The following MCPH1 variants were observed in gnomAD, a reference collection of about 807,000 sequenced individuals.
MCPH1 encodes microcephalin.
A neutral mutation model predicts 84.5 loss-of-function variants in MCPH1; 104 were observed. That is an observed-to-expected ratio of 1.23 (90% CI 1.05 to 1.45). The LOEUF (loss-of-function observed/expected upper bound fraction) is 1.45, where lower values mean the gene tolerates loss of function less well. Ranked by LOEUF, MCPH1 falls within the 40% of genes most tolerant of loss-of-function variation. The probability of loss-of-function intolerance (pLI) is 0.00; values close to 1 mark genes in which losing one functional copy is unlikely to be tolerated. For synonymous variants in MCPH1, 514 were observed against 366.8 expected (o/e 1.40, Z -4.58); for missense variants, 1,498 against 1,005.7 (o/e 1.49, Z -6.62).
In MCPH1 at chr8:6,633,644, T is replaced by C. The variant is rs947825120; in HGVS notation, c.2453-9350T>C. Among the ~76,000 whole-genome samples, 6 of 152,196 alleles carry C rather than the reference T, an allele frequency of 3.9e-5. 1 individual carries two copies. The highest frequency in any genetic ancestry group is 2.1e-4 in the South Asian group (1 of 4,818). ...AGACCCACCCAGCCCCCTTCAACTATAGTATAACTTTTCCATGCACACCCA... is the reference window on the plus strand; with the variant it reads ...AGACCCACCCAGCCCCCTTCAACTACAGTATAACTTTTCCATGCACACCCA... On this transcript the variant is annotated intron_variant, in intron 13 of 13. Transcript: ENST00000344683.
chr8:6,614,869 C>T (rs1830647606), intron 12 of MCPH1, among the ~76,000 whole-genome samples: 1 of 152,164 alleles, frequency 6.6e-6, no homozygotes, highest in Non-Finnish European at 1.5e-5. Flanking sequence ...ATCTCCCTCC[C>T]TTCCCCAACC....
chr8:6,435,395 C>T (rs186986763), intron 4 of MCPH1, among the ~76,000 whole-genome samples: 1 of 152,106 alleles, frequency 6.6e-6, no homozygotes, highest in Admixed American at 6.6e-5. Flanking sequence ...TCAAATCCGC[C>T]TCCCTGAGGT....
At chr8:6,601,020 C>T (rs1829317300) in intron 12 of MCPH1, among the ~76,000 whole-genome samples, 1 of 152,134 alleles carries the variant, frequency 6.6e-6, no homozygotes, top group Admixed American at 6.5e-5. Flanking sequence ...GGGACTGGAG[C>T]CCCCAGGAAG....
intron 12 of MCPH1, among the ~76,000 whole-genome samples, chr8:6,575,089 A>G (rs1231016518): frequency 6.6e-6 from 1 of 152,178 alleles, no homozygotes; most frequent in East Asian, 1.9e-4. Flanking sequence ...TGCAGCTTGC[A>G]CACATTCAGT....
intron 12 of MCPH1, among the ~76,000 whole-genome samples, chr8:6,539,160 T>G (rs995964338): frequency 2.6e-5 from 4 of 152,204 alleles, no homozygotes; most frequent in African/African-American, 9.6e-5. Flanking sequence ...GGGCAGCACT[T>G]TGTCCTCCTA....
At chr8:6,413,766 T>C (rs1798861080) in intron 2 of MCPH1, among the ~76,000 whole-genome samples, 1 of 151,936 alleles carries the variant, frequency 6.6e-6, no homozygotes, top group South Asian at 2.1e-4. Flanking sequence ...TTTTTTTTTT[T>C]TTTTTGGAGA....
At chr8:6,537,464 A>G (rs1416412031) in intron 12 of MCPH1, among the ~76,000 whole-genome samples, 3 of 152,100 alleles carry the variant, frequency 2.0e-5, no homozygotes, top group Non-Finnish European at 4.4e-5. Context: ...ATTTGCTAAA[A>G]GAGTTGCGCC....
chr8:6,483,071 A>G (rs1809434302), intron 11 of MCPH1, among the ~76,000 whole-genome samples: 1 of 152,268 alleles, frequency 6.6e-6, no homozygotes, highest in South Asian at 2.1e-4. Context: ...GAGTTGAGCA[A>G]GTCATCCAGA....
chr8:6,586,470 T>A (rs1195943949), intron 12 of MCPH1, among the ~76,000 whole-genome samples: 1 of 152,198 alleles, frequency 6.6e-6, no homozygotes, highest in East Asian at 1.9e-4. Flanking sequence ...TGCTTGCTGA[T>A]GCAGCCTCTG....
At chr8:6,630,360 T>C (rs1372911276) in intron 13 of MCPH1, among the ~76,000 whole-genome samples, 1 of 152,196 alleles carries the variant, frequency 6.6e-6, no homozygotes, top group Non-Finnish European at 1.5e-5. Context: ...GAGAGCATGA[T>C]GAACAATTTA....
chr8:6,432,947 A>G (rs1241645852), intron 4 of MCPH1, among the ~76,000 whole-genome samples: 1 of 152,238 alleles, frequency 6.6e-6, no homozygotes, highest in Non-Finnish European at 1.5e-5. Flanking sequence ...CCTCAATGTA[A>G]GCAGCTTTCA....
chr8:6,452,578 A>G (rs932374964), intron 8 of MCPH1, among the ~76,000 whole-genome samples: 1 of 152,232 alleles, frequency 6.6e-6, no homozygotes, highest in Non-Finnish European at 1.5e-5. Flanking sequence ...CTAACCCTCA[A>G]TGGGATAACA....
chr8:6,430,153 A>G (rs145190452), intron 3 of MCPH1, among the ~76,000 whole-genome samples: 45 of 152,276 alleles, frequency 3.0e-4, no homozygotes, highest in African/African-American at 1.0e-3. Context: ...TCTCTGAACC[A>G]TACTCGTTAT....
chr8:6,604,466 G>A (rs974223512), intron 12 of MCPH1, among the ~76,000 whole-genome samples: 1 of 152,224 alleles, frequency 6.6e-6, no homozygotes, highest in East Asian at 1.9e-4. Context: ...AAATACAGTG[G>A]AATGTGAGAG....
chr8:6,456,937 A>G (rs1180720044), intron 9 of MCPH1, among the ~76,000 whole-genome samples: 1 of 152,168 alleles, frequency 6.6e-6, no homozygotes. Context: ...TAAATGGCAT[A>G]TGAATGGGAG....
At chr8:6,409,147 C>G in intron 1 of MCPH1, 132 bp from the exon 2 acceptor site, 1 of 761,668 alleles carries the variant, frequency 1.3e-6, no homozygotes, top group Non-Finnish European at 2.3e-6. Flanking sequence ...CCGCCTCCCA[C>G]AGTGCTGGGA....
At chr8:6,554,005 A>T (rs10103026) in intron 12 of MCPH1, among the ~76,000 whole-genome samples, 1 of 151,682 alleles carries the variant, frequency 6.6e-6, no homozygotes, top group African/African-American at 2.4e-5. Flanking sequence ...AGACGAGCGC[A>T]CAACTCAGGT....
At chr8:6,570,574 T>A (rs977108172) in intron 12 of MCPH1, among the ~76,000 whole-genome samples, 1 of 152,312 alleles carries the variant, frequency 6.6e-6, no homozygotes, top group East Asian at 1.9e-4. Context: ...GACAATTATC[T>A]TTCTCCTTGC....
rs562839254 is a variant in MCPH1, at chr8:6,645,821, G to A, written c.*2772G>A. The A allele has an allele frequency of 2.0e-5, 3 of 152,232 alleles. No homozygotes were observed. The highest frequency in any genetic ancestry group is 7.2e-5 in the African/African-American group (3 of 41,546). 9.4% of individuals were successfully genotyped at this position (152,232 alleles called of 1,614,324 possible). ...CAAAATAGGAATAGACTTGGCAACA[G>A]TTGTAACATCTGTATACTGAAACCT... On this transcript the variant is annotated 3_prime_UTR_variant, in exon 14 of 14. Coordinates refer to ENST00000344683, the MANE Select transcript of MCPH1 (RefSeq NM_024596.5).
Sources: allele counts gnomAD v4.1 joint callset (sites outside exome capture counted in the v4.1 genomes callset), GRCh38; gene constraint gnomAD v4.1.1; transcripts MANE v1.5; gene names NCBI Gene and HGNC (gene_info 2026-07-23, HGNC 2026-07-21).